Variants in AZIN2 observed in about 807,000 individuals in gnomAD.
AZIN2 encodes the protein ODC antizyme inhibitor-2.
Under a neutral mutation model 47.8 loss-of-function variants are expected in AZIN2, and 28 were observed. The ratio of observed to expected loss-of-function variants is 0.59; its 90% confidence interval spans 0.43 to 0.80. AZIN2 has a LOEUF of 0.80. Among genes scored for constraint, AZIN2 ranks in the 30% least tolerant of loss-of-function variants. The pLI is 0.00. For missense variants in AZIN2, 535 were observed against 582.5 expected (o/e 0.92, Z 0.84); for synonymous variants, 221 against 239.4 (o/e 0.92, Z 0.71).
chr1:33,164,685 AG>A, the AZIN2 span: 2 of 152,244 alleles, frequency 1.3e-5, no homozygotes, highest in Non-Finnish European at 2.9e-5. Context: ...CCTGAGCTTA[AG>A]GGGAGATGAT....
the AZIN2 span, among the ~76,000 whole-genome samples, chr1:33,154,358 C>T: frequency 6.6e-6 from 1 of 152,204 alleles, no homozygotes; most frequent in African/African-American, 2.4e-5. Flanking sequence ...CCATGTCTGT[C>T]ACAGCTCGGA....
intron 10 of AZIN2, among the ~76,000 whole-genome samples, chr1:33,103,585 G>A (rs541749371): frequency 1.2e-4 from 18 of 152,136 alleles, no homozygotes; most frequent in Admixed American, 4.6e-4. Context: ...ACAACCCATC[G>A]TAATCTGTTA....
intron 7 of AZIN2, 76 bp from the exon 8 acceptor site, chr1:33,094,472 T>A (rs1250662781): frequency 4.1e-6 from 6 of 1,472,936 alleles, no homozygotes; most frequent in Non-Finnish European, 4.7e-6. Flanking sequence ...GCCTGCCCAA[T>A]GTCATTCTTG....
At chr1:33,119,942 G>T (rs962016219) in intron 11 of AZIN2, 102 bp from the exon 12 acceptor site, 27 of 1,518,248 alleles carry the variant, frequency 1.8e-5, no homozygotes, top group Non-Finnish European at 2.1e-5. Flanking sequence ...AGCTGAGCTC[G>T]GGCTCACGTG....
the AZIN2 span, among the ~76,000 whole-genome samples, chr1:33,143,608 G>A: frequency 6.6e-6 from 1 of 152,136 alleles, no homozygotes; most frequent in African/African-American, 2.4e-5. Context: ...AGAAACCCAG[G>A]CGAGTCAATG....
At chr1:33,094,390 G>A (rs112464419) in intron 7 of AZIN2, among the ~76,000 whole-genome samples, 158 bp from the exon 8 acceptor site, 191 of 152,290 alleles carry the variant, frequency 1.3e-3, no homozygotes, top group African/African-American at 4.3e-3. Flanking sequence ...TTGCCATATG[G>A]CCCTTGGCAA....
At chr1:33,104,388 ACT>A (rs944564807) in intron 10 of AZIN2, among the ~76,000 whole-genome samples, 2 of 151,446 alleles carry the variant, frequency 1.3e-5, no homozygotes, top group African/African-American at 2.4e-5. Context: ...ATATTTTTTC[ACT>A]CTATTGGTTT....
chr1:33,094,831 T>G, intron 8 of AZIN2, 118 bp downstream of exon 8: 8 of 1,091,650 alleles, frequency 7.3e-6, no homozygotes, highest in Admixed American at 4.5e-5. Context: ...CAGTGCTTGG[T>G]GCTTACCTGG....
the AZIN2 span, among the ~76,000 whole-genome samples, chr1:33,148,082 G>T: frequency 6.6e-6 from 1 of 152,168 alleles, no homozygotes; most frequent in East Asian, 1.9e-4. Context: ...GCTTCCAGAT[G>T]ATCCAGTTGC....
rs144010458 is a variant in AZIN2, at chr1:33,093,230, G to A, written c.453-52G>A. On this transcript the variant is annotated intron_variant, in intron 6 of 11. Coordinates refer to ENST00000294517, the MANE Select transcript of AZIN2 (RefSeq NM_052998.4). ...CAGCCCTTGATTGAGAGATGTGGCT[G>A]GGGTGGGGCGACAGGGTTTGTCCAG... 13,528 of 1,606,080 alleles carry A rather than the reference G, an allele frequency of 8.4e-3. 80 individuals are homozygous for A. Among genetic ancestry groups the A allele is most frequent in the Middle Eastern group, 0.014 (86 of 5,972 alleles).
At chr1:33,140,903 C>T in the AZIN2 span, among the ~76,000 whole-genome samples, 111 of 152,270 alleles carry the variant, frequency 7.3e-4, no homozygotes, top group African/African-American at 2.6e-3. This position sits in a 1 kb window ranked among gnomAD's most constrained non-coding sequence, Gnocchi z 4.0. Flanking sequence ...CTCCAGGTTC[C>T]CAGGGGGTAG....
chr1:33,146,122 G>A, the AZIN2 span: 1 of 263,466 alleles, frequency 3.8e-6, no homozygotes, highest in Non-Finnish European at 7.6e-6. Flanking sequence ...CTGGCGCTGG[G>A]AGTTCCTGGA....
the AZIN2 span, among the ~76,000 whole-genome samples, chr1:33,144,469 T>G: frequency 2.6e-5 from 4 of 152,206 alleles, no homozygotes; most frequent in Admixed American, 2.0e-4. Flanking sequence ...AAGTGTGATG[T>G]GATTTTGCGT....
At chr1:33,093,731 CTTTTT>C (rs776963959) in intron 7 of AZIN2, among the ~76,000 whole-genome samples, 1 of 134,676 alleles carries the variant, frequency 7.4e-6, no homozygotes. Context: ...TTCTTTCTTT[CTTTTT>C]TTTTTTTTTT....
At chr1:33,155,368 G>T in the AZIN2 span, among the ~76,000 whole-genome samples, 1 of 152,042 alleles carries the variant, frequency 6.6e-6, no homozygotes, top group African/African-American at 2.4e-5. Context: ...ACCATGCCCG[G>T]CCTCCCCTGA....
chr1:33,133,777 G>C, the AZIN2 span, among the ~76,000 whole-genome samples: 1 of 152,216 alleles, frequency 6.6e-6, no homozygotes, highest in East Asian at 1.9e-4. Context: ...ACACGGAGGA[G>C]GCATGGTGCA....
the AZIN2 span, among the ~76,000 whole-genome samples, chr1:33,154,677 A>T: frequency 6.6e-6 from 1 of 151,712 alleles, no homozygotes; most frequent in East Asian, 2.0e-4. Flanking sequence ...GTGTGCCTGT[A>T]ATCCCAGCTA....
the AZIN2 span, among the ~76,000 whole-genome samples, chr1:33,161,371 G>A: frequency 6.6e-6 from 1 of 152,000 alleles, no homozygotes; most frequent in South Asian, 2.1e-4. The surrounding 1 kb of genome is among the most constrained non-coding windows in gnomAD (Gnocchi z 4.3). Context: ...AGCAGCATGT[G>A]GGGCCTGCCT....
the AZIN2 span, among the ~76,000 whole-genome samples, chr1:33,136,129 TC>T: frequency 5.9e-5 from 8 of 136,280 alleles, no homozygotes; most frequent in African/African-American, 1.9e-4. Flanking sequence ...CTTCCTTCCT[TC>T]CTTCCTTCCT....
Sources: gnomAD v4.1 joint callset for allele counts (sites outside exome capture counted in the v4.1 genomes callset) on GRCh38, gnomAD v4.1.1 for gene constraint, Gnocchi (gnomAD v3.1) non-coding constraint, MANE v1.5 for transcripts, NCBI Gene and HGNC (gene_info 2026-07-23, HGNC 2026-07-21) for gene names.